Variants in RGPD2 observed in about 807,000 individuals in gnomAD.
RGPD2 encodes the protein RANBP2-like and GRIP domain-containing protein 2.
A neutral mutation model predicts 36.0 loss-of-function variants in RGPD2; 2 were observed. That is an observed-to-expected ratio of 0.06 (90% confidence interval 0.02 to 0.17). The LOEUF is 0.17. Ranked by LOEUF, RGPD2 falls within the 10% of genes least tolerant of loss-of-function variation. RGPD2 has a pLI of 1.00. For missense variants in RGPD2, 40 were observed against 464.3 expected (o/e 0.09, Z 8.40); for synonymous variants, 19 against 163.8 (o/e 0.12, Z 6.75).
chr2:87,935,569 C>A, the RGPD2 span, among the ~76,000 whole-genome samples: 102,763 of 145,370 alleles, frequency 0.71, 37,381 homozygotes, highest in East Asian at 0.88. Context: ...AATTTTAACC[C>A]ATGAAGTAAT....
At chr2:87,887,376 A>G in the RGPD2 span, among the ~76,000 whole-genome samples, 7 of 151,234 alleles carry the variant, frequency 4.6e-5, no homozygotes, top group African/African-American at 1.7e-4. Context: ...TGAACTAGAA[A>G]TAAGAAAGTT....
At chr2:87,868,850 C>T in the RGPD2 span, among the ~76,000 whole-genome samples, 1 of 152,132 alleles carries the variant, frequency 6.6e-6, no homozygotes, top group East Asian at 1.9e-4. Flanking sequence ...CCAAATGACC[C>T]TCTTTAAATT....
intron 22 of RGPD2, among the ~76,000 whole-genome samples, chr2:87,763,335 T>G (rs1385565310): frequency 1.3e-5 from 2 of 150,436 alleles, no homozygotes; most frequent in Non-Finnish European, 2.9e-5. Context: ...TTTTTTGTAT[T>G]TTTAGTAGAG....
At chr2:87,905,730 A>C in the RGPD2 span, among the ~76,000 whole-genome samples, 1 of 132,778 alleles carries the variant, frequency 7.5e-6, no homozygotes, top group Admixed American at 8.1e-5. Context: ...GATTATATTT[A>C]TGAACATTTA....
the RGPD2 span, among the ~76,000 whole-genome samples, chr2:87,864,640 G>C: frequency 2.2e-4 from 33 of 151,714 alleles, no homozygotes; most frequent in Admixed American, 1.2e-3. Flanking sequence ...ATGATAGATA[G>C]TAAGTAGATA....
At chr2:87,882,896 T>C in the RGPD2 span, among the ~76,000 whole-genome samples, 9 of 151,960 alleles carry the variant, frequency 5.9e-5, no homozygotes, top group Non-Finnish European at 1.3e-4. Flanking sequence ...TAATTGTTAG[T>C]GTGTAGCAAC....
At chr2:87,978,906 C>A in the RGPD2 span, among the ~76,000 whole-genome samples, 1 of 140,682 alleles carries the variant, frequency 7.1e-6, no homozygotes, top group Admixed American at 7.1e-5. Context: ...CAAAAAGTGA[C>A]ACCCCGTCTC....
chr2:87,878,139 C>G, the RGPD2 span, among the ~76,000 whole-genome samples: 2 of 152,280 alleles, frequency 1.3e-5, no homozygotes, highest in African/African-American at 4.8e-5. Context: ...TGGTTCTATT[C>G]TCCCTATCTC....
At chr2:87,943,863 A>G in the RGPD2 span, among the ~76,000 whole-genome samples, 1 of 151,962 alleles carries the variant, frequency 6.6e-6, no homozygotes, top group African/African-American at 2.4e-5. Context: ...TCGTTGGTTG[A>G]GTAAGTTGTT....
the RGPD2 span, among the ~76,000 whole-genome samples, chr2:87,921,026 C>T: frequency 1.3e-4 from 20 of 150,038 alleles, no homozygotes; most frequent in African/African-American, 3.9e-4. Context: ...GTCAAACCCA[C>T]GGGCATCTTG....
chr2:87,863,476 GCC>G, the RGPD2 span, among the ~76,000 whole-genome samples: 1 of 150,286 alleles, frequency 6.7e-6, no homozygotes, highest in African/African-American at 2.5e-5. Context: ...ATTGGCCTAG[GCC>G]CTTCTGGAAT....
the RGPD2 span, among the ~76,000 whole-genome samples, chr2:87,974,071 C>T: frequency 4.0e-5 from 6 of 151,364 alleles, no homozygotes; most frequent in East Asian, 1.9e-4. Flanking sequence ...GTTCTCCGGC[C>T]GCTCTGAACT....
chr2:87,757,146 ATTG>A lies in RGPD2; in HGVS notation c.*243_*245del, dbSNP rs1426630867. 28 of 198,902 alleles carry A rather than the reference ATTG, an allele frequency of 1.4e-4. No homozygotes were observed. Among genetic ancestry groups the A allele is most frequent in the African/African-American group, 2.0e-4 (7 of 35,142 alleles). The allele number at this position is 198,902 out of a possible 1,614,324, so 12.3% of individuals were successfully genotyped here. A position where few individuals can be genotyped will look rare whatever the true frequency, so the allele number is the denominator to read the frequency against. ...TGCTATGTAATCGTTGTTATACTGTATTGTTTTTATTTGTATTATGTTTTATTG... is the reference window on the plus strand; with the variant it reads ...TGCTATGTAATCGTTGTTATACTGTATTTTTATTTGTATTATGTTTTATTG... On this transcript the variant is annotated 3_prime_UTR_variant, in exon 23 of 23. Transcript: ENST00000398146.
chr2:87,971,808 C>A, the RGPD2 span, among the ~76,000 whole-genome samples: 2 of 151,936 alleles, frequency 1.3e-5, no homozygotes, highest in Non-Finnish European at 2.9e-5. Context: ...AAAAACAAAA[C>A]AAATATAAAA....
chr2:87,937,512 G>A, the RGPD2 span, among the ~76,000 whole-genome samples: 693 of 151,904 alleles, frequency 4.6e-3, 5 homozygotes, highest in African/African-American at 0.016. Flanking sequence ...AAAGGCAAAG[G>A]GAGAGTAGGC....
the RGPD2 span, among the ~76,000 whole-genome samples, chr2:87,939,866 T>C: frequency 6.6e-6 from 1 of 152,082 alleles, no homozygotes; most frequent in Non-Finnish European, 1.5e-5. Flanking sequence ...AATTTAAAAA[T>C]CAGCACATTC....
At chr2:87,809,172 G>A (rs1157169213) in intron 6 of RGPD2, among the ~76,000 whole-genome samples, 2 of 151,436 alleles carry the variant, frequency 1.3e-5, no homozygotes, top group African/African-American at 4.8e-5. Flanking sequence ...GGGTGTGGTG[G>A]CGGGCACCTG....
the RGPD2 span, among the ~76,000 whole-genome samples, chr2:87,885,893 C>T: frequency 1.1e-4 from 17 of 151,966 alleles, no homozygotes; most frequent in Non-Finnish European, 1.9e-4. Context: ...AATGCTACCC[C>T]TGCTTCTTCC....
At chr2:87,964,518 T>A in the RGPD2 span, among the ~76,000 whole-genome samples, 2 of 152,200 alleles carry the variant, frequency 1.3e-5, no homozygotes, top group Non-Finnish European at 2.9e-5. Context: ...CCACTCTGTG[T>A]CAAACAAATC....
Sources: gnomAD v4.1 joint callset for allele counts (sites outside exome capture counted in the v4.1 genomes callset) on GRCh38, gnomAD v4.1.1 for gene constraint, MANE v1.5 for transcripts, NCBI Gene and HGNC (gene_info 2026-07-23, HGNC 2026-07-21) for gene names.